The following UNC13B variants were observed in gnomAD, a reference collection of about 807,000 sequenced individuals.
UNC13B encodes unc-13 homolog B, also known as protein unc-13 homolog B.
Under a neutral mutation model 211.0 loss-of-function variants are expected in UNC13B, and 144 were observed. That is an observed-to-expected ratio of 0.68 (90% CI 0.60 to 0.78). The LOEUF (loss-of-function observed/expected upper bound fraction) is 0.78, where lower values mean the gene tolerates loss of function less well. UNC13B is among the 30% of genes least tolerant of loss of function. UNC13B has a pLI of 0.00. For missense variants in UNC13B, 1,777 were observed against 2,002.0 expected (o/e 0.89, Z 2.14); for synonymous variants, 709 against 725.8 (o/e 0.98, Z 0.37).
chr9:35,217,565 A>G (rs1170721347), intron 1 of UNC13B, among the ~76,000 whole-genome samples: 1 of 151,226 alleles, frequency 6.6e-6, no homozygotes, highest in East Asian at 2.0e-4. Flanking sequence ...ATTTTTTTGT[A>G]TTTTTAGTAG....
intron 7 of UNC13B, among the ~76,000 whole-genome samples, chr9:35,289,725 C>T (rs182862855): frequency 3.4e-4 from 51 of 152,192 alleles, no homozygotes; most frequent in African/African-American, 1.2e-3. Flanking sequence ...TCCTGTAATC[C>T]CAGCACTTTG....
chr9:35,200,457 C>T (rs1012612638), intron 1 of UNC13B, among the ~76,000 whole-genome samples: 43 of 152,192 alleles, frequency 2.8e-4, no homozygotes, highest in Admixed American at 2.6e-3. Flanking sequence ...ATTCATTCTT[C>T]CTATCCATGA....
chr9:35,295,617 C>T lies in UNC13B; in HGVS notation c.527-79C>T, dbSNP rs1829312952. ...TTGTTCTCAAGGTCCAGACTTGTTACTACTAAGTTAGAAGCAGAAATAATT... is the reference window on the plus strand; with the variant it reads ...TTGTTCTCAAGGTCCAGACTTGTTATTACTAAGTTAGAAGCAGAAATAATT... On this transcript the variant is annotated intron_variant, in intron 7 of 39. Coordinates refer to ENST00000635942, the MANE Select transcript of UNC13B (RefSeq NM_001371189.2). 2.9e-6 allele frequency: 4 copies of T among 1,396,448 alleles called. No individual in the cohort carries two copies. The Admixed American group carries it at 7.2e-5, about 25-fold the overall frequency. The allele number at this position is 1,396,448 out of a possible 1,614,324, so 86.5% of individuals were successfully genotyped here.
intron 1 of UNC13B, among the ~76,000 whole-genome samples, chr9:35,200,779 A>C (rs1341717384): frequency 6.6e-6 from 1 of 152,190 alleles, no homozygotes; most frequent in Non-Finnish European, 1.5e-5. Flanking sequence ...TGTCATTTGC[A>C]AACAGGGACA....
In UNC13B at chr9:35,252,702, G is replaced by A. The variant is rs899502009; in HGVS notation, c.469-6291G>A. 4.6e-5 allele frequency among the ~76,000 whole-genome samples: 7 copies of A among 151,942 alleles called. No individual in the cohort carries two copies. The East Asian group carries it at 9.8e-4, about 21-fold the overall frequency. On this transcript the variant is annotated intron_variant, in intron 6 of 39. Transcript: ENST00000635942. Reference sequence around the variant, plus strand: ...TCCCAGCACTTTGGGAGGCCGAGACGGGCGGATCACGAGGTCAGGAGATCG... The same window carrying A: ...TCCCAGCACTTTGGGAGGCCGAGACAGGCGGATCACGAGGTCAGGAGATCG...
chr9:35,269,903 T>G (rs1362684916), intron 7 of UNC13B, among the ~76,000 whole-genome samples: 2 of 148,646 alleles, frequency 1.3e-5, no homozygotes, highest in Non-Finnish European at 3.0e-5. Flanking sequence ...GGACACATGA[T>G]TTTTTTTTTT....
chr9:35,321,943 A>G (rs921683323), intron 11 of UNC13B, among the ~76,000 whole-genome samples: 1 of 152,230 alleles, frequency 6.6e-6, no homozygotes, highest in Admixed American at 6.5e-5. Flanking sequence ...TGCCAATTTG[A>G]CAGAAGAATG....
intron 7 of UNC13B, among the ~76,000 whole-genome samples, chr9:35,281,664 A>C (rs769094099): frequency 6.6e-6 from 1 of 152,176 alleles, no homozygotes; most frequent in Non-Finnish European, 1.5e-5. Context: ...CATTCTATGG[A>C]TTTTGACAAA....
chr9:35,205,778 ATTTG>A (rs1275917170), intron 1 of UNC13B, among the ~76,000 whole-genome samples: 1 of 152,128 alleles, frequency 6.6e-6, no homozygotes, highest in Non-Finnish European at 1.5e-5. Flanking sequence ...GTATACTATA[ATTTG>A]TTTATTCATT....
chr9:35,179,839 T>C (rs1821839813), intron 1 of UNC13B, among the ~76,000 whole-genome samples: 1 of 152,204 alleles, frequency 6.6e-6, no homozygotes, highest in Non-Finnish European at 1.5e-5. Context: ...TTAGTGGTTT[T>C]AGTTTTAGGT....
At chr9:35,291,591 C>G (rs1587552361) in intron 7 of UNC13B, among the ~76,000 whole-genome samples, 3 of 152,318 alleles carry the variant, frequency 2.0e-5, no homozygotes, top group Non-Finnish European at 4.4e-5. Context: ...AATGCCATTT[C>G]AGCCAAAAAC....
chr9:35,171,368 T>C (rs7855972), intron 1 of UNC13B, among the ~76,000 whole-genome samples: 146,036 of 152,212 alleles, frequency 0.96, 70,329 homozygotes, highest in East Asian at 1. Flanking sequence ...TCCCAAAGTG[T>C]TGGGATTACA....
intron 1 of UNC13B, among the ~76,000 whole-genome samples, chr9:35,225,741 T>C (rs1355405868): frequency 6.6e-6 from 1 of 152,140 alleles, no homozygotes; most frequent in African/African-American, 2.4e-5. Context: ...ATATGCCAGA[T>C]GGGCTGGTCC....
chr9:35,296,158 C>T (rs1303063607), intron 8 of UNC13B, among the ~76,000 whole-genome samples: 1 of 152,150 alleles, frequency 6.6e-6, no homozygotes, highest in Non-Finnish European at 1.5e-5. Context: ...GAATACTTCT[C>T]TTCATGATCA....
intron 11 of UNC13B, among the ~76,000 whole-genome samples, chr9:35,330,902 A>G (rs767884328): frequency 1.7e-4 from 26 of 152,172 alleles, no homozygotes; most frequent in Non-Finnish European, 3.1e-4. Flanking sequence ...AATGTCATCA[A>G]CCTGTCCAGA....
At chr9:35,199,248 G>A (rs1186147588) in intron 1 of UNC13B, among the ~76,000 whole-genome samples, 1 of 152,198 alleles carries the variant, frequency 6.6e-6, no homozygotes, top group Non-Finnish European at 1.5e-5. Context: ...ATCACTGATG[G>A]ACATTTAGGT....
intron 1 of UNC13B, among the ~76,000 whole-genome samples, chr9:35,191,252 A>G (rs1294665147): frequency 3.3e-5 from 5 of 152,196 alleles, no homozygotes; most frequent in Non-Finnish European, 7.3e-5. Context: ...GTGCCCTGCC[A>G]GGTATCAGGT....
Position 35,302,505 on chromosome 9 carries a change from C to T in UNC13B, c.3101C>T (p.Pro1034Leu), listed in dbSNP as rs1829735148. ...EFNQNDQINS[P>L]EDAKFNIIKS... ...AATCAGAATGACCAAATAAATAGTCCTGAAGATGCCAAATTTAATATAATA... is the reference window on the plus strand; with the variant it reads ...AATCAGAATGACCAAATAAATAGTCTTGAAGATGCCAAATTTAATATAATA... Residue 1034 changes from proline (P) to leucine (L), a missense_variant, in exon 9 of 40, where the codon CCT becomes CTT. Physicochemically the swap from Pro to Leu is moderately conservative, Grantham distance 98. Coordinates refer to ENST00000635942, the MANE Select transcript of UNC13B (RefSeq NM_001371189.2). 2.5e-6 allele frequency: 1 copy of T among 398,324 alleles called. No individual in the cohort carries two copies. The highest frequency in any genetic ancestry group is 2.1e-5 in the African/African-American group (1 of 48,540). The allele number at this position is 398,324 out of a possible 1,614,324, so 24.7% of individuals were successfully genotyped here.
rs556687609 is a variant in UNC13B, at chr9:35,335,694, C to CTT, written c.9414+21719_9414+21720dup. ...CTCTAAAATATTCTTCCTTCTTGGC[C>CTT]TTTTTTTTTTTTTTTAAAGGGGTCT... On this transcript the variant is annotated intron_variant, in intron 11 of 39. Coordinates refer to ENST00000635942, the MANE Select transcript of UNC13B (RefSeq NM_001371189.2). Among the ~76,000 whole-genome samples, 110 of 139,538 alleles carry CTT rather than the reference C, an allele frequency of 7.9e-4. 1 individual carries two copies. The South Asian group carries it at 0.019, about 24-fold the overall frequency. 91.5% of individuals were successfully genotyped at this position (139,538 alleles called of 152,430 possible). A position where few individuals can be genotyped will look rare whatever the true frequency, so the allele number is the denominator to read the frequency against.
Sources: gnomAD v4.1 joint callset for allele counts (sites outside exome capture counted in the v4.1 genomes callset) on GRCh38, gnomAD v4.1.1 for gene constraint, MANE v1.5 for transcripts, NCBI Gene and HGNC (gene_info 2026-07-23, HGNC 2026-07-21) for gene names.